The following GPC5 variants were observed in gnomAD, a reference collection of about 807,000 sequenced individuals.
GPC5 encodes glypican 5, also known as glypican-5.
Under a neutral mutation model 53.9 loss-of-function variants are expected in GPC5, and 47 were observed. The ratio of observed to expected loss-of-function variants is 0.87; its 90% CI spans 0.69 to 1.11. The LOEUF (loss-of-function observed/expected upper bound fraction) is 1.11. GPC5 is among the 50% of genes most tolerant of loss of function. The pLI, the probability that GPC5 is intolerant of heterozygous loss-of-function variation, is 0.00. For synonymous variants in GPC5, 286 were observed against 263.3 expected (o/e 1.09, Z -0.84); for missense variants, 748 against 713.1 (o/e 1.05, Z -0.56).
chr13:91,982,486 A>T (rs2040368348), intron 6 of GPC5, among the ~76,000 whole-genome samples: 1 of 152,120 alleles, frequency 6.6e-6, no homozygotes, highest in African/African-American at 2.4e-5. Context: ...GTTGAGTGAA[A>T]AAAAAAAGCA....
At chr13:92,122,737 A>C (rs1446482803) in intron 6 of GPC5, among the ~76,000 whole-genome samples, 2 of 104,456 alleles carry the variant, frequency 1.9e-5, no homozygotes, top group African/African-American at 7.8e-5. Context: ...CCTATAGGTC[A>C]GTCTTTTTTT....
chr13:92,596,584 A>G (rs1199662348), intron 7 of GPC5, among the ~76,000 whole-genome samples: 2 of 151,954 alleles, frequency 1.3e-5, no homozygotes. Flanking sequence ...AGCGATTCTT[A>G]TGCCTCAGCC....
chr13:91,443,466 C>G (rs1263936267), intron 1 of GPC5, among the ~76,000 whole-genome samples: 1 of 152,154 alleles, frequency 6.6e-6, no homozygotes, highest in African/African-American at 2.4e-5. Context: ...GTTGTTTAAG[C>G]TCCAGTCTGT....
intron 5 of GPC5, among the ~76,000 whole-genome samples, chr13:91,840,436 G>GGAAAACTGTATTAA (rs2038772653): frequency 1.3e-5 from 2 of 152,026 alleles, no homozygotes; most frequent in African/African-American, 4.8e-5. Context: ...TCCATCTCTG[G>GGAAAACTGTATTAA]TTATAAATCC....
At chr13:91,840,111 G>A (rs1456879853) in intron 5 of GPC5, among the ~76,000 whole-genome samples, 1 of 151,314 alleles carries the variant, frequency 6.6e-6, no homozygotes, top group Non-Finnish European at 1.5e-5. Context: ...TAACTGACAG[G>A]GTCCAGCTTA....
At chr13:92,113,162 T>A (rs1280711599) in intron 6 of GPC5, among the ~76,000 whole-genome samples, 3 of 152,112 alleles carry the variant, frequency 2.0e-5, no homozygotes, top group African/African-American at 7.2e-5. Flanking sequence ...CAGGAAGTAG[T>A]GATAGATACA....
chr13:92,633,120 ACC>A (rs1190914204), intron 7 of GPC5, among the ~76,000 whole-genome samples: 1 of 151,932 alleles, frequency 6.6e-6, no homozygotes, highest in Admixed American at 6.6e-5. Flanking sequence ...TGAACTCCTG[ACC>A]TCTCAGGTGA....
chr13:91,821,796 T>A (rs530812781), intron 5 of GPC5, among the ~76,000 whole-genome samples: 1 of 152,182 alleles, frequency 6.6e-6, no homozygotes. Context: ...TGATCCTTTT[T>A]ATATATTGAT....
chr13:92,385,499 TAC>T lies in GPC5; in HGVS notation c.1561+240512_1561+240513del, dbSNP rs1491176922. On this transcript the variant is annotated intron_variant, in intron 7 of 7. Coordinates refer to ENST00000377067, the MANE Select transcript of GPC5 (RefSeq NM_004466.6). ...ATATACATATATACACATATATACATACATATACATATATACATACATATGCA... is the reference window on the plus strand; with the variant it reads ...ATATACATATATACACATATATACATATATACATATATACATACATATGCA... 6.1e-4 allele frequency among the ~76,000 whole-genome samples: 80 copies of T among 132,092 alleles called. 1 individual carries two copies. The highest frequency in any genetic ancestry group is 2.2e-3 in the African/African-American group (74 of 33,430). 86.7% of individuals were successfully genotyped at this position (132,092 alleles called of 152,430 possible).
chr13:92,073,229 G>A (rs1482683926), intron 6 of GPC5, among the ~76,000 whole-genome samples: 2 of 152,190 alleles, frequency 1.3e-5, no homozygotes, highest in Non-Finnish European at 2.9e-5. Flanking sequence ...TGTTAAGTTA[G>A]ATGATTGTTC....
At chr13:91,789,674 T>C (rs1457414688) in intron 5 of GPC5, among the ~76,000 whole-genome samples, 1 of 152,232 alleles carries the variant, frequency 6.6e-6, no homozygotes, top group East Asian at 1.9e-4. Flanking sequence ...TTTAAATTTG[T>C]TATAAAAATT....
chr13:91,448,620 ACTTT>A, intron 1 of GPC5, 137 bp from the exon 2 acceptor site: 1 of 724,230 alleles, frequency 1.4e-6, no homozygotes, highest in Non-Finnish European at 2.2e-6. Context: ...CAATAGATAA[ACTTT>A]CTTATAGCAA....
intron 2 of GPC5, among the ~76,000 whole-genome samples, chr13:91,546,047 G>A (rs1406628288): frequency 6.6e-6 from 1 of 152,014 alleles, no homozygotes; most frequent in Non-Finnish European, 1.5e-5. Context: ...AATGTAAGAG[G>A]TCATGTTAAA....
At chr13:92,567,073 G>C (rs1280530611) in intron 7 of GPC5, among the ~76,000 whole-genome samples, 1 of 151,948 alleles carries the variant, frequency 6.6e-6, no homozygotes, top group Non-Finnish European at 1.5e-5. Flanking sequence ...CTTGATACTT[G>C]GCTGCTTCTT....
At chr13:91,593,608 C>T (rs541922529) in intron 2 of GPC5, among the ~76,000 whole-genome samples, 23 of 152,126 alleles carry the variant, frequency 1.5e-4, no homozygotes, top group Non-Finnish European at 2.8e-4. Flanking sequence ...TAGGGCATGG[C>T]TGCCTCATAA....
At chr13:91,440,228 A>C (rs1305604140) in intron 1 of GPC5, among the ~76,000 whole-genome samples, 1 of 152,072 alleles carries the variant, frequency 6.6e-6, no homozygotes, top group African/African-American at 2.4e-5. Context: ...TACCTATGTT[A>C]CACTTTTTGC....
chr13:92,792,804 G>T (rs536025043), intron 7 of GPC5, among the ~76,000 whole-genome samples: 75 of 152,202 alleles, frequency 4.9e-4, no homozygotes, highest in Non-Finnish European at 1.0e-3. Flanking sequence ...TTACATAATG[G>T]TAAAGGCATC....
At chr13:92,790,742 T>C (rs1339873781) in intron 7 of GPC5, among the ~76,000 whole-genome samples, 3 of 152,120 alleles carry the variant, frequency 2.0e-5, no homozygotes, top group East Asian at 1.9e-4. Flanking sequence ...TTTTAACTGA[T>C]AGACAAGAGA....
At chr13:91,575,297 T>A (rs1307026928) in intron 2 of GPC5, among the ~76,000 whole-genome samples, 1 of 152,172 alleles carries the variant, frequency 6.6e-6, no homozygotes, top group East Asian at 1.9e-4. Context: ...GGTCAAGTTT[T>A]AAAGAAAATT....
Sources: allele counts gnomAD v4.1 joint callset (sites outside exome capture counted in the v4.1 genomes callset), GRCh38; gene constraint gnomAD v4.1.1; transcripts MANE v1.5; gene names NCBI Gene and HGNC (gene_info 2026-07-23, HGNC 2026-07-21).